The following DHPS variants were observed in gnomAD, a reference collection of about 807,000 sequenced individuals.
DHPS encodes migration-inducing gene 13.
A neutral mutation model predicts 38.7 loss-of-function variants in DHPS; 24 were observed. That is an observed-to-expected ratio of 0.62 (90% CI 0.45 to 0.87). DHPS has a LOEUF of 0.87. DHPS is among the 40% of genes least tolerant of loss of function. The probability of loss-of-function intolerance (pLI) is 0.00; values close to 1 mark genes in which losing one functional copy is unlikely to be tolerated. For synonymous variants in DHPS, 250 were observed against 204.4 expected (o/e 1.22, Z -1.90); for missense variants, 510 against 497.6 (o/e 1.02, Z -0.24).
In DHPS at chr19:12,681,759, C is replaced by T; in HGVS notation, c.8G>A (p.Gly3Asp). Residue 3 changes from glycine to aspartate, a missense_variant, in exon 1 of 9, where the codon GGT (glycine) becomes GAT (aspartate). Gly to Asp is a moderately conservative substitution (Grantham distance 94). Coordinates refer to ENST00000210060, the MANE Select transcript of DHPS (RefSeq NM_001930.4). The part of the protein sequence containing the change: ME[G>D]SLEREAPAGA... ...CGCTGGCGCCTCCCGTTCCAGGGAACCTTCCATGCGCCTATAGCCGGCTCT... is the reference window on the plus strand; with the variant it reads ...CGCTGGCGCCTCCCGTTCCAGGGAATCTTCCATGCGCCTATAGCCGGCTCT... 1 of 1,609,036 alleles carries T rather than the reference C, an allele frequency of 6.2e-7. No individual in the cohort carries two copies. The highest frequency in any genetic ancestry group is 8.5e-7 in the Non-Finnish European group (1 of 1,179,838).
chr19:12,681,477 G>A, intron 1 of DHPS, 83 bp downstream of exon 1: 1 of 1,497,740 alleles, frequency 6.7e-7, no homozygotes, highest in South Asian at 1.2e-5. Context: ...CCCCTCCACT[G>A]GAAACGCTGC....
In DHPS at chr19:12,675,806, A is replaced by C. The variant is rs750773297; in HGVS notation, c.*32T>G. 3 of 1,570,808 alleles carry C rather than the reference A, an allele frequency of 1.9e-6. No homozygotes were observed. Among genetic ancestry groups the C allele is most frequent in the East Asian group, 4.5e-5 (2 of 44,310 alleles). ...GGGTCTGCAAATTAATAAATAGAAG[A>C]GGGGGTAAGACCTTCCTGGGACCGC... On this transcript the variant is annotated 3_prime_UTR_variant, in exon 9 of 9. Transcript: ENST00000210060.
At chr19:12,681,194 G>C (rs947278202) in intron 1 of DHPS, 7 of 1,227,852 alleles carry the variant, frequency 5.7e-6, no homozygotes, top group South Asian at 2.9e-5. Context: ...TCCCCGCTGG[G>C]AAAAGCAAAT....
chr19:12,677,482 G>T (rs751589042), intron 5 of DHPS, 86 bp from the exon 6 acceptor site: 4 of 1,135,846 alleles, frequency 3.5e-6, no homozygotes, highest in African/African-American at 1.6e-5. Flanking sequence ...TGGATGGGGT[G>T]CCTAATTTCT....
At chr19:12,676,331 G>A in intron 7 of DHPS, 189 bp from the exon 8 acceptor site, 1 of 736,352 alleles carries the variant, frequency 1.4e-6, no homozygotes. Context: ...AACGATGGCT[G>A]TGTTTCCCCA....
At chr19:12,676,827 TC>T in intron 7 of DHPS, 1 of 471,016 alleles carries the variant, frequency 2.1e-6, no homozygotes, top group African/African-American at 2.0e-5. Flanking sequence ...GGGAGATGCC[TC>T]CCCAAACCCC....
downstream of DHPS, chr19:12,672,659 G>C (rs1486169430): frequency 1.6e-6 from 1 of 617,576 alleles, no homozygotes; most frequent in Admixed American, 2.7e-5. Context: ...GGCTTGGAAA[G>C]GGGGTGTGGG....
At chr19:12,673,519 G>A (rs2024484123), downstream of DHPS, among the ~76,000 whole-genome samples, 1 of 147,874 alleles carries the variant, frequency 6.8e-6, no homozygotes, top group South Asian at 2.1e-4. Context: ...CCAAGTTCAA[G>A]CGATTCTCCT....
rs1192208487 is a variant in DHPS at position 12,681,657 on chromosome 19, T to A, written c.110A>T (p.Asn37Ile). ...ESTQVRGYDF[N>I]RGVNYRALLE... is the part of the protein sequence containing the mutation. ...CAGTGCGCGGTAATTCACACCGCGG[T>A]TGAAGTCGTAGCCCCGGACCTGGGT... Residue 37 changes from asparagine (N) to isoleucine (I), a missense_variant, in exon 1 of 9, where the codon AAC becomes ATC. Transcript: ENST00000210060. The A allele has an allele frequency of 1.2e-6, 2 of 1,614,106 alleles. No individual in the cohort carries two copies. The highest frequency in any genetic ancestry group is 2.7e-5 in the African/African-American group (2 of 74,952).
downstream of DHPS, among the ~76,000 whole-genome samples, chr19:12,674,756 A>G (rs1309027333): frequency 6.6e-6 from 1 of 152,148 alleles, no homozygotes; most frequent in Non-Finnish European, 1.5e-5. Flanking sequence ...GAAAATCAGC[A>G]GTCTCTGGAC....
chr19:12,675,423 G>A, downstream of DHPS: 1 of 1,499,068 alleles, frequency 6.7e-7, no homozygotes, highest in East Asian at 2.3e-5. Flanking sequence ...AGAGGTGACT[G>A]AGGGCTTCAG....
rs1171183287 is a variant in DHPS, at chr19:12,680,221, T to C, written c.312A>G (p.Thr104=). ...LTSCTIFLGY[T]SNLISSGIRE... ...GGATGCCTGAACTGATGAGGTTGGA[T>C]GTATATCCCAGGAAAATGGTGCAGC... Residue 104 remains threonine, a synonymous_variant, in exon 2 of 9, where the codon ACA becomes ACG. Coordinates refer to ENST00000210060, the MANE Select transcript of DHPS (RefSeq NM_001930.4). 2 of 1,614,086 alleles carry C rather than the reference T, an allele frequency of 1.2e-6. No homozygotes were observed. Among genetic ancestry groups the C allele is most frequent in the South Asian group, 2.2e-5 (2 of 91,084 alleles).
At chr19:12,673,457 G>T (rs563652545), downstream of DHPS, 1 of 607,194 alleles carries the variant, frequency 1.6e-6, no homozygotes, top group Non-Finnish European at 2.7e-6. Context: ...TTGCTCTGTC[G>T]CCCAGGCTAG....
chr19:12,681,409 C>T, intron 1 of DHPS, 151 bp downstream of exon 1: 1 of 1,084,876 alleles, frequency 9.2e-7, no homozygotes, highest in Admixed American at 2.6e-5. Flanking sequence ...CAGAAACTCC[C>T]GCCCAGAATA....
In DHPS at chr19:12,679,941, G is replaced by C. The variant is rs1432560860; in HGVS notation, c.373-19C>G. ...CGTCCACCTGCAGCCACAAGGCAGT[G>C]AATTTGGCCCAAGAAGGAAGCCCCT... On this transcript the variant is annotated intron_variant, in intron 2 of 8. Transcript: ENST00000210060. The C allele has an allele frequency of 8.7e-6, 14 of 1,605,066 alleles. No individual in the cohort carries two copies. Among genetic ancestry groups the C allele is most frequent in the Non-Finnish European group, 1.2e-5 (14 of 1,175,122 alleles).
In DHPS at chr19:12,679,932, CAAGGCAGTGAATTTGGCCCAAG is replaced by C. The variant is rs772214418; in HGVS notation, c.373-32_373-11del. Reference sequence around the variant, plus strand: ...TCACCAATACGTCCACCTGCAGCCACAAGGCAGTGAATTTGGCCCAAGAAGGAAGCCCCTGCCCTCATTCTGG... The same window carrying C: ...TCACCAATACGTCCACCTGCAGCCACAAGGAAGCCCCTGCCCTCATTCTGG... On this transcript the variant is annotated splice_polypyrimidine_tract_variant and intron_variant, in intron 2 of 8. Coordinates refer to ENST00000210060, the MANE Select transcript of DHPS (RefSeq NM_001930.4). 1.2e-6 allele frequency: 2 copies of C among 1,608,970 alleles called. No individual in the cohort carries two copies. Among genetic ancestry groups the C allele is most frequent in the Middle Eastern group, 1.7e-4 (1 of 6,042 alleles).
At chr19:12,681,219 C>A in intron 1 of DHPS, 1 of 1,238,450 alleles carries the variant, frequency 8.1e-7, no homozygotes, top group Non-Finnish European at 1.0e-6. Flanking sequence ...ATTCAAGAAC[C>A]GCCCAGACTT....
downstream of DHPS, among the ~76,000 whole-genome samples, chr19:12,675,283 T>C (rs1029753031): frequency 7.9e-5 from 12 of 151,944 alleles, no homozygotes; most frequent in Non-Finnish European, 1.6e-4. Flanking sequence ...AAATAAAAAA[T>C]CAATAAGAGG....
intron 5 of DHPS, among the ~76,000 whole-genome samples, chr19:12,678,652 C>T (rs2024694380): frequency 6.6e-6 from 1 of 151,146 alleles, no homozygotes; most frequent in South Asian, 2.1e-4. Context: ...GCCTATAGTC[C>T]CAGCTACTCA....
Sources: allele counts gnomAD v4.1 joint callset (sites outside exome capture counted in the v4.1 genomes callset), GRCh38; gene constraint gnomAD v4.1.1; transcripts MANE v1.5; gene names NCBI Gene and HGNC (gene_info 2026-07-23, HGNC 2026-07-21).